The following FREM2 variants were observed in gnomAD, a reference collection of about 807,000 sequenced individuals.
The protein encoded by FREM2 is FRAS1-related extracellular matrix protein 2.
FREM2 carries 119 observed loss-of-function variants against 219.9 expected under a neutral mutation model. That is an observed-to-expected ratio of 0.54 (90% CI 0.47 to 0.63). The LOEUF is 0.63. FREM2 is among the 30% of genes least tolerant of loss of function. FREM2 has a pLI of 0.00. For missense variants in FREM2, 4,030 were observed against 3,993.6 expected, an observed-to-expected ratio of 1.01 and a Z score of -0.25; for synonymous variants, 1,562 against 1,522.8, an observed-to-expected ratio of 1.03 and a Z score of -0.60.
At chr13:38,733,594 A>G (rs1871856591) in intron 2 of FREM2, among the ~76,000 whole-genome samples, 1 of 152,074 alleles carries the variant, frequency 6.6e-6, no homozygotes, top group South Asian at 2.1e-4. Context: ...TTGCAATTAA[A>G]AAAAGGTTGT....
intron 6 of FREM2, among the ~76,000 whole-genome samples, chr13:38,819,482 G>A (rs1411613883): frequency 6.6e-6 from 1 of 152,084 alleles, no homozygotes; most frequent in African/African-American, 2.4e-5. Flanking sequence ...ACATAGGGCT[G>A]GTTCACCCAG....
At chr13:38,774,634 A>G (rs1873802077) in intron 4 of FREM2, among the ~76,000 whole-genome samples, 1 of 152,208 alleles carries the variant, frequency 6.6e-6, no homozygotes, top group South Asian at 2.1e-4. Context: ...TTTAAAGCAT[A>G]TAGATATTAG....
intron 21 of FREM2, 29 bp from the exon 22 acceptor site, chr13:38,878,105 G>A (rs1566176274): frequency 6.3e-7 from 1 of 1,581,252 alleles, no homozygotes; most frequent in East Asian, 2.2e-5. Flanking sequence ...TCATATAACA[G>A]AAATAACATT....
chr13:38,871,320 C>T (rs1279055613), intron 16 of FREM2, among the ~76,000 whole-genome samples: 1 of 152,158 alleles, frequency 6.6e-6, no homozygotes, highest in Non-Finnish European at 1.5e-5. Context: ...TATTTGCTAA[C>T]TCATGCCTGT....
In FREM2 at chr13:38,877,152, C is replaced by T. The variant is rs567990511; in HGVS notation, c.8580C>T (p.Asn2860=). The stretch of plus-strand genomic sequence containing the variant: ...CAGTGGCTGCTGAGTTTAGCTTGAA[C>T]ACCCAAATGTACCTGCTCTCTAAGA... ...SDPVAAEFSL[N]TQMYLLSKKS... is the part of the protein sequence containing the mutation. The change falls in exon 21 of 24, where the codon AAC becomes AAT. Residue 2860 remains asparagine, a synonymous_variant. Transcript: ENST00000280481. The T allele has an allele frequency of 2.5e-6, 4 of 1,614,084 alleles. No individual in the cohort carries two copies. The highest frequency in any genetic ancestry group is 3.4e-6 in the Non-Finnish European group (4 of 1,179,946).
At chr13:38,862,680 T>C (rs1399728658) in intron 15 of FREM2, among the ~76,000 whole-genome samples, 4 of 152,196 alleles carry the variant, frequency 2.6e-5, no homozygotes. Flanking sequence ...TCATAGTCTT[T>C]TGCTGTATTG....
At chr13:38,733,208 A>G (rs914320040) in intron 2 of FREM2, among the ~76,000 whole-genome samples, 5 of 152,110 alleles carry the variant, frequency 3.3e-5, no homozygotes, top group African/African-American at 1.2e-4. Context: ...AGTTTCTAAG[A>G]GGCACTGAGG....
chr13:38,770,016 G>A (rs1313378448), intron 4 of FREM2, among the ~76,000 whole-genome samples: 1 of 148,188 alleles, frequency 6.7e-6, no homozygotes, highest in Non-Finnish European at 1.5e-5. Context: ...TGTATAATAT[G>A]TATAATATAT....
intron 3 of FREM2, among the ~76,000 whole-genome samples, chr13:38,765,918 G>A (rs946903244): frequency 1.3e-5 from 2 of 152,016 alleles, no homozygotes; most frequent in East Asian, 1.9e-4. Flanking sequence ...CTCTCACTGC[G>A]CTCTCTTTTA....
chr13:38,793,329 C>T (rs887716131), intron 6 of FREM2, among the ~76,000 whole-genome samples: 1 of 152,104 alleles, frequency 6.6e-6, no homozygotes, highest in Non-Finnish European at 1.5e-5. Flanking sequence ...TCAGGAAAAA[C>T]TTCTTTAAAA....
intron 1 of FREM2, among the ~76,000 whole-genome samples, chr13:38,695,403 T>C (rs1315090569): frequency 6.6e-6 from 1 of 152,210 alleles, no homozygotes; most frequent in Non-Finnish European, 1.5e-5. Flanking sequence ...CAGAGTGCCA[T>C]ATAGTTGCAT....
At position 38,880,634 on chromosome 13, in the gene FREM2, G is replaced by A. The variant is rs41306664; in HGVS notation, c.9357G>A (p.Thr3119=). 10 of 1,614,012 alleles carry A rather than the reference G, an allele frequency of 6.2e-6. No homozygotes were observed. The East Asian group carries it at 6.7e-5, about 11-fold the overall frequency. ...TGGTCACTGTGGTGGGAGGCACCAC[G>A]GTAGGGTTACTCACCATCTGCCTCA... ...VSLVTVVGGT[T]VGLLTICLTV... The change falls in exon 24 of 24, where the codon ACG becomes ACA. Residue 3119 remains threonine (T), a synonymous_variant. Coordinates refer to ENST00000280481, the MANE Select transcript of FREM2 (RefSeq NM_207361.6).
In FREM2 at chr13:38,688,052, C is replaced by T; in HGVS notation, c.708C>T (p.Tyr236=). 6.2e-7 allele frequency: 1 copy of T among 1,608,500 alleles called. No homozygotes were observed. Among genetic ancestry groups the T allele is most frequent in the Non-Finnish European group, 8.5e-7 (1 of 1,175,784 alleles). ...CTCGCTATGGAGAACTCCTCCACTACCCGCAGGTCCCTGGAGGAGCCAGAG... is the reference window on the plus strand; with the variant it reads ...CTCGCTATGGAGAACTCCTCCACTATCCGCAGGTCCCTGGAGGAGCCAGAG... ...ALPRYGELLH[Y]PQVPGGAREG... The change falls in exon 1 of 24, where the codon TAC becomes TAT. Residue 236 remains tyrosine (Y), a synonymous_variant. Transcript: ENST00000280481.
intron 1 of FREM2, 148 bp from the exon 2 acceptor site, chr13:38,697,550 C>G (rs1870162129): frequency 3.1e-6 from 2 of 652,212 alleles, no homozygotes; most frequent in Non-Finnish European, 5.5e-6. Context: ...GCTTAGAGAT[C>G]TGAGAAATAA....
chr13:38,746,281 C>T (rs1482761100), intron 2 of FREM2, among the ~76,000 whole-genome samples: 2 of 152,072 alleles, frequency 1.3e-5, no homozygotes, highest in Non-Finnish European at 2.9e-5. Flanking sequence ...GTAGGGAAAA[C>T]CTGTACACAA....
At chr13:38,751,431 C>T (rs923079914) in intron 2 of FREM2, among the ~76,000 whole-genome samples, 1 of 152,072 alleles carries the variant, frequency 6.6e-6, no homozygotes, top group African/African-American at 2.4e-5. Flanking sequence ...TTTCACAAAC[C>T]CTACAGAGCT....
Position 38,874,502 on chromosome 13 carries a change from A to G in FREM2, c.8197A>G (p.Met2733Val). The change falls in exon 18 of 24, where the codon ATG becomes GTG. Residue 2733 changes from methionine to valine, a missense_variant. Around this residue, in one of 2 missense-constraint regions of FREM2, gnomAD observed 928 missense variants for 1,042.9 expected, o/e 0.89. Transcript: ENST00000280481. ...TATAGGTTCTCTCTATCCAACCAGC[A>G]TGCGCATCGGTGATGAGGGGCGCTT... ...ELQGSLYPTS[M>V]RIGDEGRLAV... 2 of 1,614,004 alleles carry G rather than the reference A, an allele frequency of 1.2e-6. No individual in the cohort carries two copies. The highest frequency in any genetic ancestry group is 1.7e-6 in the Non-Finnish European group (2 of 1,179,860).
chr13:38,872,632 A>G (rs541851009), intron 16 of FREM2, 110 bp from the exon 17 acceptor site: 71 of 872,626 alleles, frequency 8.1e-5, no homozygotes, highest in South Asian at 7.4e-4. Context: ...CCTCTTCTCA[A>G]TGATTACTCA....
chr13:38,697,112 T>C (rs2138078527), intron 1 of FREM2, among the ~76,000 whole-genome samples: 1 of 152,328 alleles, frequency 6.6e-6, no homozygotes, highest in Middle Eastern at 3.4e-3. Context: ...TTTCCACTTT[T>C]ATTAGATGTT....
Sources: gnomAD v4.1 joint callset for allele counts (sites outside exome capture counted in the v4.1 genomes callset) on GRCh38, gnomAD v4.1.1 for gene constraint, gnomAD v4.1.1 regional missense constraint, MANE v1.5 for transcripts, NCBI Gene and HGNC (gene_info 2026-07-23, HGNC 2026-07-21) for gene names.